IL13RA2: variants seen among roughly 807,000 people sequenced by gnomAD.
IL13RA2 encodes interleukin-13 receptor subunit alpha-2.
In IL13RA2, 25 loss-of-function variants were observed where a neutral mutation model predicts 34.1. The observed-to-expected ratio is 0.73, with a 90% CI of 0.53 to 1.03. The LOEUF (loss-of-function observed/expected upper bound fraction) is 1.03, where lower values mean the gene tolerates loss of function less well. Ranked by LOEUF, IL13RA2 falls within the 50% of genes least tolerant of loss-of-function variation. The pLI is 0.00. For synonymous variants in IL13RA2, 106 were observed against 100.4 expected (o/e 1.06, Z -0.33); for missense variants, 297 against 280.9 (o/e 1.06, Z -0.41).
rs137941067 is a variant in IL13RA2 at position 115,009,569 on chromosome X, C to A, written c.804G>T (p.Arg268Ser). 2 of 1,194,980 alleles carry A rather than the reference C, an allele frequency of 1.7e-6. No homozygotes were observed. Reference sequence around the variant, plus strand: ...TGATCTCAATTTCATAATCAAAACACCTTGCTGGAATAGGTCCCAAAGGTA... The same window carrying A: ...TGATCTCAATTTCATAATCAAAACAACTTGCTGGAATAGGTCCCAAAGGTA... The part of the protein sequence containing the change: ...WSIPLGPIPA[R>S]CFDYEIEIRE... The change falls in exon 7 of 10, where the codon AGG becomes AGT. Residue 268 changes from arginine (R) to serine (S), a missense_variant. Physicochemically the swap from Arg to Ser is moderately radical, Grantham distance 110. Coordinates refer to ENST00000243213, the MANE Select transcript of IL13RA2 (RefSeq NM_000640.3).
chrX:115,007,755 A>G (rs1449242318), intron 8 of IL13RA2, among the ~76,000 whole-genome samples, 177 bp downstream of exon 8: 1 of 112,193 alleles, frequency 8.9e-6, no homozygotes, highest in Non-Finnish European at 1.9e-5. Context: ...TCCTAACTGA[A>G]TGAATATTAG....
Position 115,012,678 on chromosome X carries a change from T to C in IL13RA2, c.521+1091A>G, listed in dbSNP as rs17095901. Reference sequence around the variant, plus strand: ...TGCTCGGGAGGCTGAGGCATGAGAATCGCTTGAACCCAGGAGGTGGAGGCT... The same window carrying C: ...TGCTCGGGAGGCTGAGGCATGAGAACCGCTTGAACCCAGGAGGTGGAGGCT... On this transcript the variant is annotated intron_variant, in intron 5 of 9. Transcript: ENST00000243213. 4.1e-3 allele frequency among the ~76,000 whole-genome samples: 454 copies of C among 110,030 alleles called. 2 individuals carry two copies. The highest frequency in any genetic ancestry group is 0.014 in the African/African-American group (423 of 30,070).
At chrX:115,014,034 T>C in intron 4 of IL13RA2, 145 bp from the exon 5 acceptor site, 1 of 524,382 alleles carries the variant, frequency 1.9e-6, no homozygotes, top group Non-Finnish European at 3.3e-6. Context: ...AGGAAGTTAC[T>C]GGGAATCACT....
At position 115,005,307 on chromosome X, in the gene IL13RA2, G is replaced by C. The variant is rs2071681099; in HGVS notation, c.1006C>G (p.Leu336Val). 1.1e-6 allele frequency: 1 copy of C among 926,884 alleles called. No homozygotes were observed. The highest frequency in any genetic ancestry group is 2.2e-5 in the Admixed American group (1 of 45,199). The allele number at this position is 926,884 out of a possible 1,213,427, so 76.4% of individuals were successfully genotyped here. A position where few individuals can be genotyped will look rare whatever the true frequency, so the allele number is the denominator to read the frequency against. Reference sequence around the variant, plus strand: ...AAACGTAGCAAAGTTTTCTTCGATAGGTCTTCACCTAGGATTAAAAATCAC... The same window carrying C: ...AAACGTAGCAAAGTTTTCTTCGATACGTCTTCACCTAGGATTAAAAATCAC... ...SDKQCWEGED[L>V]SKKTLLRFWL... Residue 336 changes from leucine (L) to valine (V), a missense_variant, in exon 9 of 10, where the codon CTA (leucine) becomes GTA (valine). Coordinates refer to ENST00000243213, the MANE Select transcript of IL13RA2 (RefSeq NM_000640.3).
intron 8 of IL13RA2, among the ~76,000 whole-genome samples, chrX:115,006,437 C>G (rs1172018603): frequency 2.7e-5 from 3 of 111,834 alleles, no homozygotes; most frequent in Non-Finnish European, 3.8e-5. Flanking sequence ...AATCTCAACA[C>G]TTTGTGAGAC....
intron 8 of IL13RA2, among the ~76,000 whole-genome samples, chrX:115,007,415 T>C (rs2071689565): frequency 8.9e-6 from 1 of 112,457 alleles, no homozygotes; most frequent in South Asian, 3.7e-4. Flanking sequence ...CCTCATTCTT[T>C]AGGCTTTTTA....
chrX:115,004,225 C>G, intron 9 of IL13RA2, 119 bp from the exon 10 acceptor site: 1 of 413,440 alleles, frequency 2.4e-6, no homozygotes. Context: ...GCATTCTATA[C>G]ACATTCACTT....
intron 2 of IL13RA2, 81 bp from the exon 3 acceptor site, chrX:115,015,902 G>C (rs1439387758): frequency 8.7e-5 from 54 of 621,441 alleles, no homozygotes; most frequent in Non-Finnish European, 1.3e-4. Context: ...TTCCAAATGT[G>C]CACCAATTGA....
chrX:115,013,661 C>A (rs1556509100), intron 5 of IL13RA2, 108 bp downstream of exon 5: 1 of 474,494 alleles, frequency 2.1e-6, no homozygotes, highest in Non-Finnish European at 3.6e-6. Context: ...AAATACAACT[C>A]TGACAAGTAT....
At chrX:115,013,030 A>G (rs2071712484) in intron 5 of IL13RA2, among the ~76,000 whole-genome samples, 1 of 111,492 alleles carries the variant, frequency 9.0e-6, no homozygotes, top group South Asian at 3.8e-4. Flanking sequence ...AGTAGACAGT[A>G]TGGCAGCCTA....
rs369026128 is a variant in IL13RA2, at chrX:115,004,069, A to G, written c.*11T>C. ...TTGAGTCAATACCATGTCTCTTGAT[A>G]TGGAAAGTCTTCATGTATCACAGAA... On this transcript the variant is annotated 3_prime_UTR_variant, in exon 10 of 10. Transcript: ENST00000243213. The G allele has an allele frequency of 9.7e-6, 10 of 1,028,238 alleles. No individual in the cohort carries two copies. The East Asian group carries it at 1.2e-4, about 13-fold the overall frequency. 84.7% of individuals were successfully genotyped at this position (1,028,238 alleles called of 1,213,427 possible).
intron 1 of IL13RA2, 61 bp from the exon 2 acceptor site, chrX:115,017,363 G>A: frequency 1.9e-6 from 1 of 528,166 alleles, no homozygotes; most frequent in South Asian, 2.8e-5. Context: ...AACTAAACGT[G>A]ATTAAAAATA....
chrX:115,015,272 G>A (rs781785141), intron 3 of IL13RA2, among the ~76,000 whole-genome samples: 6 of 111,385 alleles, frequency 5.4e-5, no homozygotes, highest in Non-Finnish European at 7.5e-5. Flanking sequence ...GCGACCCTCT[G>A]TGGGAAGGGT....
Position 115,009,653 on chromosome X carries a change from C to T in IL13RA2, c.720G>A (p.Pro240=), listed in dbSNP as rs781804994. The change falls in exon 7 of 10, where the codon CCG becomes CCA. Residue 240 remains proline (P), a synonymous_variant. Coordinates refer to ENST00000243213, the MANE Select transcript of IL13RA2 (RefSeq NM_000640.3). ...CCCGAGTAAAAGTAAGATAGACTGG[C>T]GGCAAAGGTTTAACTGAAAAGCAAA... ...FQLQNIVKPL[P]PVYLTFTRES... 218 of 1,205,179 alleles carry T rather than the reference C, an allele frequency of 1.8e-4. 1 individual carries two copies. The highest frequency in any genetic ancestry group is 1.8e-4 in the East Asian group (6 of 33,688).
At chrX:115,015,325 C>T (rs10521697) in intron 3 of IL13RA2, among the ~76,000 whole-genome samples, 13,526 of 111,611 alleles carry the variant, frequency 0.12, 637 homozygotes, top group Middle Eastern at 0.17. Context: ...GAAAAGGTCA[C>T]AGGTCAGTAG....
chrX:115,015,868 C>T (rs369289363), intron 2 of IL13RA2, 47 bp from the exon 3 acceptor site: 748 of 891,961 alleles, frequency 8.4e-4, no homozygotes, highest in Non-Finnish European at 1.1e-3. Context: ...TATTTTATGA[C>T]AAATATTGCT....
chrX:115,014,646 C>T (rs1007757478), intron 3 of IL13RA2, 72 bp from the exon 4 acceptor site: 2 of 731,877 alleles, frequency 2.7e-6, no homozygotes, highest in Admixed American at 5.6e-5. Flanking sequence ...ATTAATAAGA[C>T]TAATAAATCA....
intron 5 of IL13RA2, among the ~76,000 whole-genome samples, chrX:115,012,489 G>T (rs2071709484): frequency 8.9e-6 from 1 of 112,173 alleles, no homozygotes; most frequent in Non-Finnish European, 1.9e-5. Flanking sequence ...TCAAGGCCAG[G>T]CGCAGTGGCT....
At chrX:115,012,504 C>G (rs1292803490) in intron 5 of IL13RA2, among the ~76,000 whole-genome samples, 1 of 112,143 alleles carries the variant, frequency 8.9e-6, no homozygotes, top group African/African-American at 3.2e-5. Flanking sequence ...GTGGCTCACG[C>G]CTGTAATCTC....
Sources: allele counts gnomAD v4.1 joint callset (sites outside exome capture counted in the v4.1 genomes callset), GRCh38; gene constraint gnomAD v4.1.1; transcripts MANE v1.5; gene names NCBI Gene and HGNC (gene_info 2026-07-23, HGNC 2026-07-21).